Variants in CAMK2B observed in about 807,000 individuals in gnomAD.
The protein encoded by CAMK2B is calcium/calmodulin dependent protein kinase II beta.
In CAMK2B, 27 loss-of-function variants were observed where a neutral mutation model predicts 93.7. The ratio of observed to expected loss-of-function variants is 0.29; its 90% CI spans 0.21 to 0.40. The LOEUF (loss-of-function observed/expected upper bound fraction) is 0.40, where lower values mean the gene tolerates loss of function less well. Among genes scored for constraint, CAMK2B ranks in the 10% least tolerant of loss-of-function variants. The probability of loss-of-function intolerance (pLI) is 1.00; values close to 1 mark genes in which losing one functional copy is unlikely to be tolerated. For synonymous variants in CAMK2B, 374 were observed against 358.8 expected (o/e 1.04, Z -0.48); for missense variants, 568 against 895.8 (o/e 0.63, Z 4.67).
At chr7:44,278,377 G>A (rs1374869193) in intron 2 of CAMK2B, among the ~76,000 whole-genome samples, 1 of 152,206 alleles carries the variant, frequency 6.6e-6, no homozygotes, top group Non-Finnish European at 1.5e-5. Flanking sequence ...TAGGATGACT[G>A]AGTAACCTGG....
intron 5 of CAMK2B, among the ~76,000 whole-genome samples, chr7:44,251,618 A>G (rs543933516): frequency 6.6e-6 from 1 of 152,246 alleles, no homozygotes; most frequent in Non-Finnish European, 1.5e-5. Flanking sequence ...TACAGCACAC[A>G]GGCCGTGTGC....
intron 13 of CAMK2B, among the ~76,000 whole-genome samples, chr7:44,237,622 G>T (rs1254261908): frequency 6.6e-6 from 1 of 152,220 alleles, no homozygotes; most frequent in Non-Finnish European, 1.5e-5. Context: ...TCACATCTCT[G>T]CCTGGGACTA....
chr7:44,236,554 T>A (rs2096627925), intron 13 of CAMK2B, among the ~76,000 whole-genome samples: 1 of 152,130 alleles, frequency 6.6e-6, no homozygotes, highest in Non-Finnish European at 1.5e-5. Context: ...GGACCAGAAA[T>A]GCCGACTGCC....
intron 12 of CAMK2B, 128 bp from the exon 13 acceptor site, chr7:44,239,791 G>A: frequency 1.5e-6 from 1 of 678,192 alleles, no homozygotes; most frequent in East Asian, 2.7e-5. Context: ...TTAGGTGACA[G>A]ATGGTTCCAG....
rs1785026255 is a variant in CAMK2B, at chr7:44,286,144, T to C, written c.66-1919A>G. Among the ~76,000 whole-genome samples, 1 of 152,072 alleles carries C rather than the reference T, an allele frequency of 6.6e-6. No individual in the cohort carries two copies. The highest frequency in any genetic ancestry group is 1.5e-5 in the Non-Finnish European group (1 of 68,008). On this transcript the variant is annotated intron_variant, in intron 1 of 23. Coordinates refer to ENST00000395749, the MANE Select transcript of CAMK2B (RefSeq NM_001220.5). This position sits in a 1 kb window ranked among gnomAD's most constrained non-coding sequence, Gnocchi z 4.0. ...GCCTCAGTTTCCCCATCCATATGAC[T>C]GAGCAGAAGAGCCTTCCGGGGCCAC...
intron 1 of CAMK2B, among the ~76,000 whole-genome samples, chr7:44,290,690 T>C (rs983294484): frequency 1.3e-4 from 20 of 152,212 alleles, no homozygotes; most frequent in African/African-American, 4.8e-4. Flanking sequence ...AAATGAGCTC[T>C]TGGGAGTGCC....
intron 2 of CAMK2B, among the ~76,000 whole-genome samples, chr7:44,272,517 G>A (rs866014801): frequency 6.6e-6 from 1 of 152,178 alleles, no homozygotes; most frequent in East Asian, 1.9e-4. Context: ...CAATTAACCC[G>A]CCAGCAGCTC....
intron 2 of CAMK2B, among the ~76,000 whole-genome samples, chr7:44,277,654 C>T (rs1411274150): frequency 2.0e-5 from 3 of 152,166 alleles, no homozygotes; most frequent in African/African-American, 2.4e-5. Context: ...GAAATGCAGC[C>T]GGGGAGGCTG....
At chr7:44,262,881 T>C in intron 3 of CAMK2B, 124 bp downstream of exon 3, 4 of 843,188 alleles carry the variant, frequency 4.7e-6, no homozygotes, top group Non-Finnish European at 1.9e-6. Flanking sequence ...TGGTGGGATA[T>C]TTCAACAGAG....
At position 44,220,715 on chromosome 7, in the gene CAMK2B, G is replaced by A. The variant is rs372799276; in HGVS notation, c.1674-5C>T. 5 of 1,608,712 alleles carry A rather than the reference G, an allele frequency of 3.1e-6. No homozygotes were observed. The African/African-American group carries it at 6.7e-5, about 21-fold the overall frequency. On this transcript the variant is annotated splice_polypyrimidine_tract_variant and splice_region_variant and intron_variant, in intron 21 of 23. Coordinates refer to ENST00000395749, the MANE Select transcript of CAMK2B (RefSeq NM_001220.5). ...AGCCCTGGGTCACAGATTTTCCTGGGGGCCAAATCCAAGTGAGGAGGGGCC... is the reference window on the plus strand; with the variant it reads ...AGCCCTGGGTCACAGATTTTCCTGGAGGCCAAATCCAAGTGAGGAGGGGCC...
intron 22 of CAMK2B, 53 bp downstream of exon 22, chr7:44,220,563 A>G: frequency 1.4e-6 from 2 of 1,468,642 alleles, no homozygotes; most frequent in Non-Finnish European, 1.9e-6. Context: ...AGGGGCCGAG[A>G]GGCTCTCCTG....
chr7:44,318,632 A>AG (rs1363723565), intron 1 of CAMK2B, among the ~76,000 whole-genome samples: 2 of 152,232 alleles, frequency 1.3e-5, no homozygotes, highest in African/African-American at 4.8e-5. Flanking sequence ...CTTCATTGTA[A>AG]GGGCGACAGC....
intron 1 of CAMK2B, among the ~76,000 whole-genome samples, chr7:44,318,496 C>A (rs990661871): frequency 1.3e-5 from 2 of 152,236 alleles, no homozygotes; most frequent in Non-Finnish European, 1.5e-5. Flanking sequence ...CTGTTCTCAG[C>A]ACTTGAATTC....
At chr7:44,289,427 G>T (rs1584655855) in intron 1 of CAMK2B, among the ~76,000 whole-genome samples, 1 of 152,222 alleles carries the variant, frequency 6.6e-6, no homozygotes, top group African/African-American at 2.4e-5. Flanking sequence ...GCCCTCTCAT[G>T]CCTCACCTTC....
intron 1 of CAMK2B, among the ~76,000 whole-genome samples, chr7:44,293,688 A>G (rs917485032): frequency 1.3e-5 from 2 of 152,158 alleles, no homozygotes; most frequent in Non-Finnish European, 2.9e-5. Flanking sequence ...ACAGTTCACA[A>G]TAGGGTTCGT....
At chr7:44,264,176 C>T (rs185023888) in intron 2 of CAMK2B, among the ~76,000 whole-genome samples, 4 of 152,282 alleles carry the variant, frequency 2.6e-5, no homozygotes, top group East Asian at 3.9e-4. Flanking sequence ...ATGCCTCCTT[C>T]GCCAGGAATG....
chr7:44,288,788 T>C (rs941630193), intron 1 of CAMK2B, among the ~76,000 whole-genome samples: 3 of 152,122 alleles, frequency 2.0e-5, no homozygotes, highest in Admixed American at 1.3e-4. Context: ...CGGAACTACA[T>C]GGCCTGTTTC....
chr7:44,232,756 C>T, intron 16 of CAMK2B, 66 bp downstream of exon 16: 1 of 1,516,030 alleles, frequency 6.6e-7, no homozygotes, highest in Non-Finnish European at 9.2e-7. Flanking sequence ...AATGCTGCCC[C>T]AGACCTCTCT....
intron 13 of CAMK2B, among the ~76,000 whole-genome samples, chr7:44,234,945 G>C (rs2096611687): frequency 6.6e-6 from 1 of 152,228 alleles, no homozygotes; most frequent in Admixed American, 6.5e-5. Context: ...AGATGCCCGT[G>C]GGTGCTGGGG....
Sources: gnomAD v4.1 joint callset for allele counts (sites outside exome capture counted in the v4.1 genomes callset) on GRCh38, gnomAD v4.1.1 for gene constraint, Gnocchi (gnomAD v3.1) non-coding constraint, MANE v1.5 for transcripts, NCBI Gene and HGNC (gene_info 2026-07-23, HGNC 2026-07-21) for gene names.